The following STXBP5L variants were observed in gnomAD, a reference collection of about 807,000 sequenced individuals.
STXBP5L encodes the protein syntaxin binding protein 5L.
Under a neutral mutation model 144.5 loss-of-function variants are expected in STXBP5L, and 65 were observed. The observed-to-expected ratio is 0.45, with a 90% CI of 0.37 to 0.55. The LOEUF (loss-of-function observed/expected upper bound fraction) is 0.55. Ranked by LOEUF, STXBP5L falls within the 20% of genes least tolerant of loss-of-function variation. The pLI, the probability that STXBP5L is intolerant of heterozygous loss-of-function variation, is 0.00. For synonymous variants in STXBP5L, 505 were observed against 469.6 expected, an observed-to-expected ratio of 1.08 and a Z score of -0.97; for missense variants, 1,298 against 1,405.5, an observed-to-expected ratio of 0.92 and a Z score of 1.22.
chr3:121,182,371 C>A (rs368067434), intron 9 of STXBP5L, among the ~76,000 whole-genome samples: 92 of 152,214 alleles, frequency 6.0e-4, no homozygotes, highest in African/African-American at 2.1e-3. Flanking sequence ...AAAAGGAATC[C>A]TCAACATTAA....
chr3:121,108,931 T>A (rs1028108791), intron 5 of STXBP5L, among the ~76,000 whole-genome samples: 2 of 152,212 alleles, frequency 1.3e-5, no homozygotes, highest in Non-Finnish European at 2.9e-5. Flanking sequence ...TTCTTCCTGG[T>A]TCAGTCTTGG....
chr3:121,300,953 T>C (rs1272715756), intron 19 of STXBP5L, among the ~76,000 whole-genome samples: 1 of 152,198 alleles, frequency 6.6e-6, no homozygotes, highest in Admixed American at 6.5e-5. Context: ...ACTGTAGCCT[T>C]GTAGCATAGT....
At chr3:121,268,325 T>C (rs1476318211) in intron 18 of STXBP5L, among the ~76,000 whole-genome samples, 5 of 152,108 alleles carry the variant, frequency 3.3e-5, no homozygotes, top group Non-Finnish European at 2.9e-5. Context: ...AAACACTGCA[T>C]GTCCCCACTC....
At chr3:121,319,545 A>C (rs2043900113) in intron 20 of STXBP5L, among the ~76,000 whole-genome samples, 1 of 151,968 alleles carries the variant, frequency 6.6e-6, no homozygotes, top group African/African-American at 2.4e-5. Flanking sequence ...TACTGATCTT[A>C]TTGTAAAGAC....
chr3:121,343,729 C>A (rs936792244), intron 20 of STXBP5L, among the ~76,000 whole-genome samples: 1 of 152,124 alleles, frequency 6.6e-6, no homozygotes, highest in African/African-American at 2.4e-5. Flanking sequence ...CTACAAATCA[C>A]TGCTCAAGGA....
intron 5 of STXBP5L, among the ~76,000 whole-genome samples, chr3:121,059,091 T>G (rs1368443207): frequency 2.0e-5 from 3 of 152,104 alleles, no homozygotes; most frequent in Non-Finnish European, 2.9e-5. Flanking sequence ...TCTTCTAGAG[T>G]TTTTATGATT....
intron 18 of STXBP5L, among the ~76,000 whole-genome samples, chr3:121,279,518 A>G (rs1200939272): frequency 6.6e-6 from 1 of 151,930 alleles, no homozygotes; most frequent in Non-Finnish European, 1.5e-5. Context: ...CTGTGAAAAC[A>G]TAAGGCCTAG....
intron 3 of STXBP5L, among the ~76,000 whole-genome samples, chr3:121,017,674 T>C (rs1428390607): frequency 6.6e-6 from 1 of 152,180 alleles, no homozygotes; most frequent in African/African-American, 2.4e-5. Flanking sequence ...ACCATTTACA[T>C]TGGCATCTAA....
At chr3:121,366,902 A>G (rs970981197) in intron 20 of STXBP5L, among the ~76,000 whole-genome samples, 2 of 151,884 alleles carry the variant, frequency 1.3e-5, no homozygotes, top group Non-Finnish European at 2.9e-5. Context: ...CTCATTTCCT[A>G]TTGGTATATT....
At chr3:121,114,572 A>T (rs3914736) in intron 5 of STXBP5L, among the ~76,000 whole-genome samples, 152,087 of 152,268 alleles carry the variant, frequency 1, 75,953 homozygotes, top group Middle Eastern at 1. Flanking sequence ...GGAAAGGATT[A>T]GAATCCCGGT....
chr3:121,128,795 C>G (rs1423446537), intron 7 of STXBP5L, among the ~76,000 whole-genome samples: 1 of 152,004 alleles, frequency 6.6e-6, no homozygotes, highest in Admixed American at 6.6e-5. Flanking sequence ...TAATTTTTGA[C>G]AGTCACCATC....
chr3:121,192,167 C>G (rs558479495), intron 9 of STXBP5L, among the ~76,000 whole-genome samples: 2 of 152,162 alleles, frequency 1.3e-5, no homozygotes, highest in Non-Finnish European at 2.9e-5. Context: ...CACAACCATT[C>G]TTATACACCA....
At chr3:121,060,731 T>C (rs1022744464) in intron 5 of STXBP5L, among the ~76,000 whole-genome samples, 1 of 152,258 alleles carries the variant, frequency 6.6e-6, no homozygotes, top group African/African-American at 2.4e-5. Context: ...ATTTATCCAT[T>C]TCTTCCAGAT....
At chr3:121,063,408 G>A (rs569364754) in intron 5 of STXBP5L, among the ~76,000 whole-genome samples, 1 of 152,286 alleles carries the variant, frequency 6.6e-6, no homozygotes, top group South Asian at 2.1e-4. Context: ...GTCAGCTGGA[G>A]CTCTCCTGTA....
At chr3:121,412,737 AAAAAAAAAAAAAC>A (rs2047143398) in intron 23 of STXBP5L, among the ~76,000 whole-genome samples, 2 of 148,182 alleles carry the variant, frequency 1.3e-5, no homozygotes, top group Non-Finnish European at 3.0e-5. Flanking sequence ...CAAAAAAAAA[AAAAAAAAAAAAAC>A]AAAAGAAAAA....
chr3:121,416,558 A>T (rs1461061446), intron 25 of STXBP5L, among the ~76,000 whole-genome samples: 1 of 150,872 alleles, frequency 6.6e-6, no homozygotes, highest in African/African-American at 2.4e-5. Context: ...CCCAGGCTGG[A>T]GTGCAGTGGC....
intron 5 of STXBP5L, among the ~76,000 whole-genome samples, chr3:121,092,153 A>G (rs1040708983): frequency 6.6e-6 from 1 of 152,138 alleles, no homozygotes; most frequent in African/African-American, 2.4e-5. Context: ...TACCAGTACC[A>G]TGCTGTTTTG....
At chr3:121,176,705 A>T (rs1444497005) in intron 9 of STXBP5L, among the ~76,000 whole-genome samples, 5 of 151,934 alleles carry the variant, frequency 3.3e-5, no homozygotes, top group Non-Finnish European at 7.4e-5. Flanking sequence ...AAATAAAGAT[A>T]AAATTACAAA....
Position 121,421,088 on chromosome 3 carries a change from A to G in STXBP5L, c.*1991A>G, listed in dbSNP as rs2047344018. On this transcript the variant is annotated 3_prime_UTR_variant, in exon 27 of 27. Transcript: ENST00000471454. ...ATTATATGGTAAAAATATTAAAGAA[A>G]CTTAAGAGTAGGATCTAGAAAATAC... 1 of 152,120 alleles carries G rather than the reference A, an allele frequency of 6.6e-6. No individual in the cohort carries two copies. The highest frequency in any genetic ancestry group is 2.4e-5 in the African/African-American group (1 of 41,438). 9.4% of individuals were successfully genotyped at this position (152,120 alleles called of 1,614,324 possible).
Sources: allele counts gnomAD v4.1 joint callset (sites outside exome capture counted in the v4.1 genomes callset), GRCh38; gene constraint gnomAD v4.1.1; transcripts MANE v1.5; gene names NCBI Gene and HGNC (gene_info 2026-07-23, HGNC 2026-07-21).